Variants in CBLB observed in about 807,000 individuals in gnomAD.
CBLB encodes the protein Cbl proto-oncogene B.
Under a neutral mutation model 104.9 loss-of-function variants are expected in CBLB, and 31 were observed. That is an observed-to-expected ratio of 0.30 (90% confidence interval 0.22 to 0.40). The LOEUF (loss-of-function observed/expected upper bound fraction) is 0.40. Among genes scored for constraint, CBLB ranks in the 10% least tolerant of loss-of-function variants. CBLB has a pLI of 1.00. For synonymous variants in CBLB, 440 were observed against 422.6 expected, an observed-to-expected ratio of 1.04 and a Z score of -0.51; for missense variants, 1,062 against 1,214.6, an observed-to-expected ratio of 0.87 and a Z score of 1.87.
chr3:105,727,666 AC>A (rs1277761456), intron 9 of CBLB, among the ~76,000 whole-genome samples: 2 of 152,132 alleles, frequency 1.3e-5, no homozygotes, highest in East Asian at 3.9e-4. Flanking sequence ...TAGGGTTTTT[AC>A]GGTTTTATGT....
At chr3:105,703,161 T>A (rs529723299) in intron 11 of CBLB, among the ~76,000 whole-genome samples, 122 of 152,320 alleles carry the variant, frequency 8.0e-4, no homozygotes, top group African/African-American at 2.8e-3. Context: ...TTTATTTACA[T>A]GGTTAATCTG....
intron 8 of CBLB, among the ~76,000 whole-genome samples, chr3:105,736,666 T>C (rs2074984813): frequency 6.6e-6 from 1 of 152,146 alleles, no homozygotes; most frequent in South Asian, 2.1e-4. Flanking sequence ...ATTACATATA[T>C]AGAATTTAAA....
intron 9 of CBLB, among the ~76,000 whole-genome samples, chr3:105,729,442 A>C (rs2074058624): frequency 6.6e-6 from 1 of 152,142 alleles, no homozygotes; most frequent in Non-Finnish European, 1.5e-5. Flanking sequence ...AGTAAGAGGA[A>C]GAAGCAAAAT....
At chr3:105,682,562 A>T (rs2301051) in intron 14 of CBLB, among the ~76,000 whole-genome samples, 35,624 of 152,064 alleles carry the variant, frequency 0.23, 4,443 homozygotes, top group Non-Finnish European at 0.27. Flanking sequence ...GCTGGAGTGC[A>T]GTGGCATGAT....
At chr3:105,777,034 G>T (rs1370279174) in intron 3 of CBLB, among the ~76,000 whole-genome samples, 1 of 152,022 alleles carries the variant, frequency 6.6e-6, no homozygotes, top group Non-Finnish European at 1.5e-5. Context: ...TCAGGCAGTA[G>T]AAACAGCATG....
intron 2 of CBLB, among the ~76,000 whole-genome samples, chr3:105,854,641 T>C (rs1191813261): frequency 6.6e-6 from 1 of 151,926 alleles, no homozygotes; most frequent in Non-Finnish European, 1.5e-5. Context: ...TTTTATTTTA[T>C]TGTTTTTTTA....
At chr3:105,785,116 T>G (rs569748314) in intron 3 of CBLB, among the ~76,000 whole-genome samples, 1 of 152,322 alleles carries the variant, frequency 6.6e-6, no homozygotes, top group South Asian at 2.1e-4. Context: ...TTCAGCTCTA[T>G]CAGCGCACAT....
Position 105,827,522 on chromosome 3 carries a change from C to T in CBLB, c.419+25892G>A, listed in dbSNP as rs1335443447. Among the ~76,000 whole-genome samples the T allele has an allele frequency of 3.3e-5, 5 of 152,032 alleles. No homozygotes were observed. The East Asian group carries it at 9.6e-4, about 29-fold the overall frequency. On this transcript the variant is annotated intron_variant, in intron 3 of 18. Coordinates refer to ENST00000394030, the MANE Select transcript of CBLB (RefSeq NM_170662.5). ...TGTGTGTGTGTGTTCAGAAGTAACGCCAGGAACCTGGTCTCTGTTAAGGTC... is the reference window on the plus strand; with the variant it reads ...TGTGTGTGTGTGTTCAGAAGTAACGTCAGGAACCTGGTCTCTGTTAAGGTC...
chr3:105,803,353 G>A (rs1424793366), intron 3 of CBLB, among the ~76,000 whole-genome samples: 1 of 152,110 alleles, frequency 6.6e-6, no homozygotes, highest in African/African-American at 2.4e-5. Context: ...TTGTATGGCG[G>A]CTTGCATGTC....
At chr3:105,681,701 A>T (rs2066340428) in intron 15 of CBLB, 23 bp downstream of exon 15, 1 of 1,597,278 alleles carries the variant, frequency 6.3e-7, no homozygotes, top group Middle Eastern at 1.7e-4. Context: ...TACATCACAA[A>T]GGAAATTATA....
chr3:105,719,077 T>G (rs2072374814), intron 10 of CBLB, among the ~76,000 whole-genome samples: 1 of 152,174 alleles, frequency 6.6e-6, no homozygotes, highest in African/African-American at 2.4e-5. Flanking sequence ...ATGAGCAAAC[T>G]CAGATTCTGG....
chr3:105,704,201 C>T (rs2152788510), intron 10 of CBLB, 28 bp from the exon 11 acceptor site: 1 of 1,602,268 alleles, frequency 6.2e-7, no homozygotes, highest in Admixed American at 1.7e-5. Context: ...AAAGATGCCG[C>T]TGTTTATTAG....
intron 3 of CBLB, among the ~76,000 whole-genome samples, chr3:105,825,770 C>G (rs1314442690): frequency 1.3e-5 from 2 of 152,142 alleles, no homozygotes; most frequent in African/African-American, 4.8e-5. Flanking sequence ...TTGCCTGACT[C>G]TTCCTGATGA....
intron 12 of CBLB, among the ~76,000 whole-genome samples, chr3:105,701,387 A>G (rs1462758023): frequency 1.3e-5 from 2 of 152,228 alleles, no homozygotes; most frequent in African/African-American, 4.8e-5. Context: ...CCAGGCAACA[A>G]TAACTAACTC....
chr3:105,677,492 A>G (rs1190223287), intron 17 of CBLB, among the ~76,000 whole-genome samples: 2 of 151,966 alleles, frequency 1.3e-5, no homozygotes, highest in Admixed American at 6.5e-5. Context: ...CAAACTGAGC[A>G]CTTTTTAAAG....
intron 3 of CBLB, among the ~76,000 whole-genome samples, chr3:105,808,763 T>C (rs2083858454): frequency 6.6e-6 from 1 of 152,190 alleles, no homozygotes; most frequent in Non-Finnish European, 1.5e-5. Context: ...GTATTCATTG[T>C]TTATTTGGTT....
At chr3:105,800,556 G>T (rs1389404976) in intron 3 of CBLB, among the ~76,000 whole-genome samples, 1 of 152,100 alleles carries the variant, frequency 6.6e-6, no homozygotes, top group Non-Finnish European at 1.5e-5. Context: ...GTCAAGACAC[G>T]TGTTTGACAG....
At chr3:105,824,155 C>T (rs2086251547) in intron 3 of CBLB, 1 of 152,206 alleles carries the variant, frequency 6.6e-6, no homozygotes, top group Non-Finnish European at 1.5e-5. Flanking sequence ...CAGCATTCCC[C>T]AAACTCCAGG....
chr3:105,659,017 G>A lies in CBLB; in HGVS notation c.2902C>T (p.Arg968Ter), dbSNP rs267599521. Reference protein sequence around the residue: ...NNVEVARSILREFAFPPPVSP... With the variant: ...NNVEVARSIL ...ACTGGAGGAGGGAAGGCAAATTCTC[G>A]GAGGATGCTCCGGGCAACTTCGACA... The change falls in exon 19 of 19, where the codon CGA (arginine) becomes TGA (stop). Residue 968 changes from arginine to a stop codon, truncating the protein, a stop_gained. Transcript: ENST00000394030. LOFTEE classifies it high-confidence loss of function. 15 of 1,613,960 alleles carry A rather than the reference G, an allele frequency of 9.3e-6. No homozygotes were observed. The highest frequency in any genetic ancestry group is 4.5e-5 in the East Asian group (2 of 44,856).
Sources: gnomAD v4.1 joint callset for allele counts (sites outside exome capture counted in the v4.1 genomes callset) on GRCh38, gnomAD v4.1.1 for gene constraint, MANE v1.5 for transcripts, NCBI Gene and HGNC (gene_info 2026-07-23, HGNC 2026-07-21) for gene names.